The following IQCH variants were observed in gnomAD, a reference collection of about 807,000 sequenced individuals.
IQCH encodes IQ motif containing H.
Under a neutral mutation model 117.0 loss-of-function variants are expected in IQCH, and 98 were observed. The observed-to-expected ratio is 0.84, with a 90% CI of 0.71 to 0.99. The LOEUF (loss-of-function observed/expected upper bound fraction) is 0.99. Among genes scored for constraint, IQCH ranks in the 50% least tolerant of loss-of-function variants. The pLI, the probability that IQCH is intolerant of heterozygous loss-of-function variation, is 0.00. For missense variants in IQCH, 1,102 were observed against 1,243.8 expected, an observed-to-expected ratio of 0.89 and a Z score of 1.72; for synonymous variants, 412 against 448.2, an observed-to-expected ratio of 0.92 and a Z score of 1.02.
At chr15:67,301,766 A>G (rs1023848577) in intron 4 of IQCH, among the ~76,000 whole-genome samples, 1 of 152,120 alleles carries the variant, frequency 6.6e-6, no homozygotes, top group African/African-American at 2.4e-5. Context: ...GAAAAGAGCA[A>G]TTAAATCATG....
chr15:67,344,071 A>G lies in IQCH; in HGVS notation c.517A>G (p.Ser173Gly), dbSNP rs113223282. 6.2e-7 allele frequency: 1 copy of G among 1,612,214 alleles called. No individual in the cohort carries two copies. The highest frequency in any genetic ancestry group is 8.5e-7 in the Non-Finnish European group (1 of 1,178,884). Reference protein sequence around the residue: ...LQADAHKGILSMIERGLIPPT... With the variant: ...LQADAHKGILGMIERGLIPPT... ...TTAATGTTTCTTTTTAGGGATTTTA[A>G]GTATGATAGAACGAGGGCTGATTCC... The change falls in exon 6 of 21, where the codon AGT becomes GGT. Residue 173 changes from serine (S) to glycine (G), a missense_variant. Ser to Gly is a moderately conservative substitution (Grantham distance 56). Coordinates refer to ENST00000335894, the MANE Select transcript of IQCH (RefSeq NM_001031715.3).
In IQCH at chr15:67,299,371, C is replaced by T. The variant is rs556412763; in HGVS notation, c.387+19859C>T. ...GATCTAGTATATCACAACAAGGTGA[C>T]GCTGGCTGGTCACTCTGTTATACTC... On this transcript the variant is annotated intron_variant, in intron 4 of 20. Coordinates refer to ENST00000335894, the MANE Select transcript of IQCH (RefSeq NM_001031715.3). 2.1e-3 allele frequency among the ~76,000 whole-genome samples: 322 copies of T among 151,832 alleles called. 1 individual carries two copies. Among genetic ancestry groups the T allele is most frequent in the Non-Finnish European group, 4.0e-3 (271 of 67,940 alleles).
intron 3 of IQCH, among the ~76,000 whole-genome samples, chr15:67,270,707 T>C (rs545117374): frequency 3.0e-4 from 46 of 152,312 alleles, no homozygotes; most frequent in African/African-American, 9.9e-4. Flanking sequence ...TGGAAGTAGC[T>C]TGAAGCCCTG....
Position 67,400,491 on chromosome 15 carries a change from C to CTTTTCTTTTTTTTTTTTTTT in IQCH, c.2097+190_2097+191insCTTTTTTTTTTTTTTTTTTT, listed in dbSNP as rs776111763. Among the ~76,000 whole-genome samples, 96 of 115,536 alleles carry CTTTTCTTTTTTTTTTTTTTT rather than the reference C, an allele frequency of 8.3e-4. 8 individuals carry two copies. Among genetic ancestry groups the CTTTTCTTTTTTTTTTTTTTT allele is most frequent in the African/African-American group, 8.9e-4 (28 of 31,566 alleles). 75.8% of individuals were successfully genotyped at this position (115,536 alleles called of 152,430 possible). ...TGGGATTGACTGAGTTCTTTTTTTT[C>CTTTTCTTTTTTTTTTTTTTT]TTTTTTTTTTTGAGATGGGGCCTCA... On this transcript the variant is annotated intron_variant, in intron 14 of 20. Coordinates refer to ENST00000335894, the MANE Select transcript of IQCH (RefSeq NM_001031715.3).
At chr15:67,261,089 A>G (rs1164171161) in intron 1 of IQCH, among the ~76,000 whole-genome samples, 183 bp from the exon 2 acceptor site, 3 of 89,488 alleles carry the variant, frequency 3.4e-5, no homozygotes, top group Non-Finnish European at 5.3e-5. Context: ...GTGAAATTCC[A>G]TCTCAAAAAA....
At chr15:67,263,317 GCTTT>G (rs1965535812) in intron 3 of IQCH, 101 bp downstream of exon 3, 1 of 652,748 alleles carries the variant, frequency 1.5e-6, no homozygotes, top group Admixed American at 2.8e-5. Flanking sequence ...CATTTTCTTG[GCTTT>G]CTTAACATCC....
At chr15:67,398,910 A>C (rs2140863122) in intron 13 of IQCH, among the ~76,000 whole-genome samples, 1 of 152,306 alleles carries the variant, frequency 6.6e-6, no homozygotes, top group Middle Eastern at 3.4e-3. Flanking sequence ...ATAAGAAGAC[A>C]AGACAGAAAA....
chr15:67,296,111 A>T lies in IQCH; in HGVS notation c.387+16599A>T, dbSNP rs141634996. On this transcript the variant is annotated intron_variant, in intron 4 of 20. Transcript: ENST00000335894. ...CCTCACATACCTTCAAGAAAGTAAG[A>T]TCCACATGGGCAGGGACTTCGTCTG... Among the ~76,000 whole-genome samples the T allele has an allele frequency of 3.7e-3, 562 of 152,322 alleles. 3 individuals are homozygous for T. The highest frequency in any genetic ancestry group is 0.01 in the Middle Eastern group (3 of 294).
At chr15:67,296,197 T>G (rs1966851328) in intron 4 of IQCH, among the ~76,000 whole-genome samples, 1 of 152,158 alleles carries the variant, frequency 6.6e-6, no homozygotes, top group Non-Finnish European at 1.5e-5. Context: ...TGAATTCTGT[T>G]AAAGAAAGAG....
At chr15:67,305,303 A>G (rs1034621956) in intron 4 of IQCH, among the ~76,000 whole-genome samples, 1 of 152,088 alleles carries the variant, frequency 6.6e-6, no homozygotes, top group African/African-American at 2.4e-5. Flanking sequence ...TTAATCTTCC[A>G]AATTTCCTAC....
In IQCH at chr15:67,391,333, G is replaced by A. The variant is rs1971278555; in HGVS notation, c.1632+2327G>A. On this transcript the variant is annotated intron_variant, in intron 12 of 20. Transcript: ENST00000335894. This position sits in a 1 kb window ranked among gnomAD's most constrained non-coding sequence, Gnocchi z 4.3. ...AATTCTCACTTTCAAATCAGTTCTT[G>A]TTCATGTTTGGTAGTTGCTTTATTT... Among the ~76,000 whole-genome samples, 2 of 152,134 alleles carry A rather than the reference G, an allele frequency of 1.3e-5. No homozygotes were observed. Among genetic ancestry groups the A allele is most frequent in the South Asian group, 2.1e-4 (1 of 4,834 alleles).
At chr15:67,360,195 C>T (rs139534889) in intron 8 of IQCH, 4,859 of 345,228 alleles carry the variant, frequency 0.014, 50 homozygotes, top group Middle Eastern at 0.044. Flanking sequence ...CAAAGATTTT[C>T]ATCTTTTAAA....
At chr15:67,287,966 A>G (rs1324596444) in intron 4 of IQCH, among the ~76,000 whole-genome samples, 1 of 152,044 alleles carries the variant, frequency 6.6e-6, no homozygotes, top group Non-Finnish European at 1.5e-5. Context: ...TTGTTTCAAG[A>G]AATTTTTCAG....
At chr15:67,378,475 T>G (rs1970812803) in intron 10 of IQCH, among the ~76,000 whole-genome samples, 1 of 147,480 alleles carries the variant, frequency 6.8e-6, no homozygotes, top group African/African-American at 2.5e-5. Flanking sequence ...TTGGGATAGG[T>G]GTACTGCCAA....
At chr15:67,383,300 A>G (rs573891737) in intron 10 of IQCH, among the ~76,000 whole-genome samples, 1 of 152,322 alleles carries the variant, frequency 6.6e-6, no homozygotes, top group Admixed American at 6.5e-5. Context: ...GACATTTTAT[A>G]TGCATTCTTG....
intron 10 of IQCH, among the ~76,000 whole-genome samples, chr15:67,377,301 A>G (rs1970773364): frequency 6.6e-6 from 1 of 152,080 alleles, no homozygotes; most frequent in Non-Finnish European, 1.5e-5. Context: ...AAGATGATAA[A>G]GAAACATTTT....
At chr15:67,337,219 G>A in intron 5 of IQCH, 124 bp downstream of exon 5, 1 of 1,005,404 alleles carries the variant, frequency 9.9e-7, no homozygotes. Flanking sequence ...CCTCAGACAA[G>A]TCAGGTCCTC....
rs150131257 is a variant in IQCH, at chr15:67,292,216, A to G, written c.387+12704A>G. Among the ~76,000 whole-genome samples the G allele has an allele frequency of 2.8e-4, 43 of 152,238 alleles. 1 individual carries two copies. The East Asian group carries it at 7.1e-3, about 25-fold the overall frequency. On this transcript the variant is annotated intron_variant, in intron 4 of 20. Transcript: ENST00000335894. ...GATCTTGAACTTCCCAGGCTCCAGAACTGTAAGAAATAAATGTTGTTGTTG... is the reference window on the plus strand; with the variant it reads ...GATCTTGAACTTCCCAGGCTCCAGAGCTGTAAGAAATAAATGTTGTTGTTG...
At chr15:67,263,005 A>C in intron 2 of IQCH, 117 bp from the exon 3 acceptor site, 2 of 683,504 alleles carry the variant, frequency 2.9e-6, no homozygotes, top group Non-Finnish European at 5.3e-6. Flanking sequence ...GTAATAATAC[A>C]TAGCATGTTG....
Sources: allele counts gnomAD v4.1 joint callset (sites outside exome capture counted in the v4.1 genomes callset), GRCh38; gene constraint gnomAD v4.1.1; non-coding constraint Gnocchi (gnomAD v3.1); transcripts MANE v1.5; gene names NCBI Gene and HGNC (gene_info 2026-07-23, HGNC 2026-07-21).